Variants in DIS3L2 observed in about 807,000 individuals in gnomAD.
The protein encoded by DIS3L2 is DIS3 like 3'-5' exoribonuclease 2, also known as DIS3-like exonuclease 2.
Under a neutral mutation model 97.5 loss-of-function variants are expected in DIS3L2, and 34 were observed. The ratio of observed to expected loss-of-function variants is 0.35; its 90% CI spans 0.27 to 0.46. The LOEUF (loss-of-function observed/expected upper bound fraction) is 0.46, where lower values mean the gene tolerates loss of function less well. Among genes scored for constraint, DIS3L2 ranks in the 20% least tolerant of loss-of-function variants. The probability of loss-of-function intolerance (pLI) is 1.00; values close to 1 mark genes in which losing one functional copy is unlikely to be tolerated. For missense variants in DIS3L2, 1,038 were observed against 1,146.0 expected, an observed-to-expected ratio of 0.91 and a Z score of 1.36; for synonymous variants, 435 against 445.2, an observed-to-expected ratio of 0.98 and a Z score of 0.29.
chr2:232,124,822 GA>G (rs1278120686), intron 6 of DIS3L2, among the ~76,000 whole-genome samples: 10 of 152,042 alleles, frequency 6.6e-5, no homozygotes, highest in Non-Finnish European at 8.8e-5. Flanking sequence ...AGCAGCTGGA[GA>G]AAAAAAAGTT....
chr2:232,015,510 C>A lies in DIS3L2; in HGVS notation c.53-4C>A, dbSNP rs1559542792. 3 of 1,613,324 alleles carry A rather than the reference C, an allele frequency of 1.9e-6. No homozygotes were observed. The highest frequency in any genetic ancestry group is 8.5e-7 in the Non-Finnish European group (1 of 1,179,604). On this transcript the variant is annotated splice_polypyrimidine_tract_variant and splice_region_variant and intron_variant, in intron 2 of 20. Coordinates refer to ENST00000325385, the MANE Select transcript of DIS3L2 (RefSeq NM_152383.5). ...AAGAGTTGATTGCTGCCTCCTGTTT[C>A]TAGGTGTGTCTGCTGTGGCTGGTCC...
chr2:232,007,044 G>A (rs980600913), intron 1 of DIS3L2, among the ~76,000 whole-genome samples: 3 of 152,156 alleles, frequency 2.0e-5, no homozygotes, highest in Non-Finnish European at 4.4e-5. Flanking sequence ...ACTTTGGCAA[G>A]GATGGGAATG....
At chr2:232,229,213 A>C (rs1313565449) in intron 10 of DIS3L2, among the ~76,000 whole-genome samples, 1 of 152,058 alleles carries the variant, frequency 6.6e-6, no homozygotes, top group African/African-American at 2.4e-5. Flanking sequence ...AATTTTGAAC[A>C]TGCACAAAAG....
At chr2:231,966,641 A>ATTTTTTTTTTTTTTTTTCT (rs1692724606) in intron 1 of DIS3L2, among the ~76,000 whole-genome samples, 1 of 50,358 alleles carries the variant, frequency 2.0e-5, no homozygotes, top group Non-Finnish European at 3.6e-5. Context: ...GTTAAAAAAC[A>ATTTTTTTTTTTTTTTTTCT]TTTTTTTTTT....
chr2:231,976,708 A>G (rs1055140581), intron 1 of DIS3L2, among the ~76,000 whole-genome samples: 1 of 151,426 alleles, frequency 6.6e-6, no homozygotes, highest in Non-Finnish European at 1.5e-5. Context: ...CTTACCTTAA[A>G]TGTGTTCAGA....
chr2:232,231,146 C>A (rs913133318), intron 10 of DIS3L2, among the ~76,000 whole-genome samples: 1 of 152,178 alleles, frequency 6.6e-6, no homozygotes, highest in Middle Eastern at 3.2e-3. Context: ...CTTTCTCTCC[C>A]CACTAGACTG....
At chr2:232,012,264 A>G (rs1209570968) in intron 1 of DIS3L2, among the ~76,000 whole-genome samples, 2 of 152,162 alleles carry the variant, frequency 1.3e-5, no homozygotes. Flanking sequence ...CAGAGTTACA[A>G]TGACAAACCC....
intron 13 of DIS3L2, among the ~76,000 whole-genome samples, chr2:232,274,439 C>A (rs1306916809): frequency 6.6e-6 from 1 of 152,180 alleles, no homozygotes; most frequent in Non-Finnish European, 1.5e-5. Flanking sequence ...GTTAGTAAAA[C>A]CTGCATTAGG....
intron 5 of DIS3L2, among the ~76,000 whole-genome samples, chr2:232,063,636 A>G (rs1426983943): frequency 6.6e-6 from 1 of 152,146 alleles, no homozygotes; most frequent in African/African-American, 2.4e-5. Context: ...TGCCATGTTA[A>G]TTAAGTCTTT....
At chr2:232,337,462 G>C (rs2106358732), downstream of DIS3L2, among the ~76,000 whole-genome samples, 1 of 152,264 alleles carries the variant, frequency 6.6e-6, no homozygotes, top group East Asian at 1.9e-4. Context: ...GGGCCCTCCA[G>C]TGCCTTCCAA....
At chr2:232,193,214 CCTAATGTGA>C (rs1356111885) in intron 9 of DIS3L2, among the ~76,000 whole-genome samples, 5 of 152,218 alleles carry the variant, frequency 3.3e-5, no homozygotes, top group African/African-American at 1.2e-4. Context: ...GGACAGACAA[CCTAATGTGA>C]CTAGCACAGT....
chr2:232,124,417 A>T, intron 6 of DIS3L2, among the ~76,000 whole-genome samples: 1 of 152,210 alleles, frequency 6.6e-6, no homozygotes, highest in African/African-American at 2.4e-5. Context: ...GATGAAGAAA[A>T]GTGTATGTTT....
intron 8 of DIS3L2, among the ~76,000 whole-genome samples, chr2:232,147,091 T>A (rs1013913448): frequency 6.6e-6 from 1 of 152,160 alleles, no homozygotes; most frequent in Non-Finnish European, 1.5e-5. Flanking sequence ...TAAATTACTT[T>A]TACTCCTTTT....
At chr2:232,059,107 G>A (rs1695629769) in intron 5 of DIS3L2, among the ~76,000 whole-genome samples, 1 of 152,144 alleles carries the variant, frequency 6.6e-6, no homozygotes, top group African/African-American at 2.4e-5. Context: ...TTAGAAGTCA[G>A]CTGTAAAAAT....
intron 10 of DIS3L2, among the ~76,000 whole-genome samples, chr2:232,225,252 C>T (rs1692613684): frequency 6.6e-6 from 1 of 152,116 alleles, no homozygotes; most frequent in Admixed American, 6.5e-5. Context: ...GTATATACCC[C>T]ATAGAAAGGT....
At chr2:231,970,796 CTTTT>C (rs1183464955) in intron 1 of DIS3L2, among the ~76,000 whole-genome samples, 3 of 147,550 alleles carry the variant, frequency 2.0e-5, no homozygotes, top group African/African-American at 7.7e-5. Context: ...CTTACTGTGA[CTTTT>C]TTTACTTTAT....
intron 7 of DIS3L2, among the ~76,000 whole-genome samples, chr2:232,135,861 T>G (rs1428005710): frequency 6.6e-6 from 1 of 151,798 alleles, no homozygotes; most frequent in African/African-American, 2.4e-5. Flanking sequence ...TCAGGAAGAA[T>G]GTGTTGAGGA....
At chr2:232,141,821 C>T (rs1380905660) in intron 8 of DIS3L2, among the ~76,000 whole-genome samples, 1 of 152,182 alleles carries the variant, frequency 6.6e-6, no homozygotes, top group Non-Finnish European at 1.5e-5. Flanking sequence ...AATACTTTTA[C>T]ATTCCATTCA....
intron 14 of DIS3L2, among the ~76,000 whole-genome samples, chr2:232,310,736 C>A (rs547555187): frequency 6.6e-6 from 1 of 152,322 alleles, no homozygotes; most frequent in East Asian, 1.9e-4. Flanking sequence ...TGGATACTAC[C>A]CCAGCTATCT....
Sources: allele counts gnomAD v4.1 joint callset (sites outside exome capture counted in the v4.1 genomes callset), GRCh38; gene constraint gnomAD v4.1.1; transcripts MANE v1.5; gene names NCBI Gene and HGNC (gene_info 2026-07-23, HGNC 2026-07-21).